MYH7: variants seen among roughly 807,000 people sequenced by gnomAD.
MYH7 encodes the protein myosin heavy chain 7, also known as myosin-7.
A neutral mutation model predicts 225.4 loss-of-function variants in MYH7; 129 were observed. The ratio of observed to expected loss-of-function variants is 0.57; its 90% confidence interval spans 0.50 to 0.66. MYH7 has a LOEUF of 0.66. Among genes scored for constraint, MYH7 ranks in the 30% least tolerant of loss-of-function variants. The probability of loss-of-function intolerance (pLI) is 0.00; values close to 1 mark genes in which losing one functional copy is unlikely to be tolerated. For synonymous variants in MYH7, 971 were observed against 1,007.6 expected (o/e 0.96, Z 0.69); for missense variants, 1,649 against 2,517.0 (o/e 0.66, Z 7.38).
intron 17 of MYH7, 22 bp downstream of exon 17, chr14:23,427,218 G>T: frequency 6.2e-7 from 1 of 1,612,746 alleles, no homozygotes; most frequent in South Asian, 1.1e-5. Flanking sequence ...AGCCAAGTTG[G>T]CTGGGGCTGT....
At position 23,421,055 on chromosome 14, in the gene MYH7, G is replaced by A. The variant is rs2049416463; in HGVS notation, c.3246-7C>T. The A allele has an allele frequency of 6.2e-7, 1 of 1,612,392 alleles. No homozygotes were observed. The highest frequency in any genetic ancestry group is 1.1e-5 in the South Asian group (1 of 91,004). On this transcript the variant is annotated splice_polypyrimidine_tract_variant and splice_region_variant and intron_variant, in intron 25 of 39. Coordinates refer to ENST00000355349, the MANE Select transcript of MYH7 (RefSeq NM_000257.4). ...ATTCAGCTCAAAGTCTTTTCTGTGG[G>A]GAAGGAGGGATGGTGAGGTAAGGGA... is the stretch of plus-strand genomic sequence containing the variant.
At chr14:23,424,420 T>G (rs1892611208) in intron 22 of MYH7, among the ~76,000 whole-genome samples, 1 of 152,238 alleles carries the variant, frequency 6.6e-6, no homozygotes, top group South Asian at 2.1e-4. Context: ...TTGCATTTGC[T>G]GATGCCAAGC....
Position 23,419,547 on chromosome 14 carries a change from C to A in MYH7, c.3789G>T (p.Ala1263=), listed in dbSNP as rs137918672. ...CGTTGACAGAACGCTGGGTCTCCTC[C>A]GCCTTGCTCCGGTGCTCATTCATCT... ...EDQMNEHRSK[A]EETQRSVNDL... is the part of the protein sequence containing the mutation. The change falls in exon 28 of 40, where the codon GCG becomes GCT. Residue 1263 remains alanine (A), a synonymous_variant. Transcript: ENST00000355349. The A allele has an allele frequency of 5.9e-5, 96 of 1,614,078 alleles. No individual in the cohort carries two copies. Among genetic ancestry groups the A allele is most frequent in the Non-Finnish European group, 7.5e-5 (89 of 1,180,026 alleles).
intron 15 of MYH7, among the ~76,000 whole-genome samples, 175 bp from the exon 16 acceptor site, chr14:23,428,069 C>A (rs1892767285): frequency 6.6e-6 from 1 of 152,150 alleles, no homozygotes; most frequent in Non-Finnish European, 1.5e-5. Context: ...AGGATTTTGT[C>A]TGATGACAGA....
At chr14:23,416,645 GCT>G (rs1288091097) in intron 33 of MYH7, among the ~76,000 whole-genome samples, 3 of 152,178 alleles carry the variant, frequency 2.0e-5, no homozygotes, top group Non-Finnish European at 4.4e-5. Context: ...GAAATGGGAA[GCT>G]CAGCTAAGAT....
intron 37 of MYH7, among the ~76,000 whole-genome samples, 190 bp from the exon 38 acceptor site, chr14:23,414,292 G>C (rs555117652): frequency 2.7e-4 from 41 of 152,294 alleles, no homozygotes; most frequent in African/African-American, 9.6e-4. Flanking sequence ...TACCAGGAAA[G>C]AGTCCAAAGA....
chr14:23,428,942 G>C lies in MYH7; in HGVS notation c.1407+13C>G. Reference sequence around the variant, plus strand: ...GAGTGATTGTTCTCCCACTCCCAGGGGTCCCAACTCACATCGAAGATCTCG... The same window carrying C: ...GAGTGATTGTTCTCCCACTCCCAGGCGTCCCAACTCACATCGAAGATCTCG... On this transcript the variant is annotated intron_variant, in intron 14 of 39. Coordinates refer to ENST00000355349, the MANE Select transcript of MYH7 (RefSeq NM_000257.4). The C allele has an allele frequency of 6.2e-7, 1 of 1,614,184 alleles. No individual in the cohort carries two copies. Among genetic ancestry groups the C allele is most frequent in the South Asian group, 1.1e-5 (1 of 91,078 alleles).
At chr14:23,413,342 G>A (rs1263729897) in intron 39 of MYH7, among the ~76,000 whole-genome samples, 1 of 152,166 alleles carries the variant, frequency 6.6e-6, no homozygotes, top group Non-Finnish European at 1.5e-5. Flanking sequence ...ACTTTGGGAG[G>A]CTGAGGCGAG....
chr14:23,415,281 G>A lies in MYH7; in HGVS notation c.5284-11C>T. The A allele has an allele frequency of 6.2e-7, 1 of 1,614,242 alleles. No homozygotes were observed. The highest frequency in any genetic ancestry group is 8.5e-7 in the Non-Finnish European group (1 of 1,180,050). On this transcript the variant is annotated splice_polypyrimidine_tract_variant and intron_variant, in intron 36 of 39. Coordinates refer to ENST00000355349, the MANE Select transcript of MYH7 (RefSeq NM_000257.4). This position sits in a 1 kb window ranked among gnomAD's most constrained non-coding sequence, Gnocchi z 6.3. ...TGCCATCATGGCGGCCTGTGTGCAG[G>A]AGAGAGGTGGCACATGGTCTGGTCA... is the stretch of plus-strand genomic sequence containing the variant.
intron 14 of MYH7, 84 bp downstream of exon 14, chr14:23,428,871 T>C: frequency 3.1e-6 from 5 of 1,605,658 alleles, no homozygotes; most frequent in Non-Finnish European, 4.3e-6. Context: ...CCATGTCTGG[T>C]CCACAGCTGG....
chr14:23,433,696 C>T lies in MYH7; in HGVS notation c.37G>A (p.Ala13Thr), dbSNP rs759231966. ...DSEMAVFGAA[A>T]PYLRKSEKER... ...TTCTCTGACTTGCGCAGGTAGGGGGCGGCAGCCCCAAAGACTGCCATCTCC... is the reference window on the plus strand; with the variant it reads ...TTCTCTGACTTGCGCAGGTAGGGGGTGGCAGCCCCAAAGACTGCCATCTCC... Residue 13 changes from alanine (A) to threonine (T), a missense_variant, in exon 3 of 40, where the codon GCC becomes ACC. Physicochemically the swap from Ala to Thr is moderately conservative, Grantham distance 58. Around this residue, in one of 12 missense-constraint regions of MYH7, gnomAD observed 91 missense variants for 96.5 expected, o/e 0.94. Transcript: ENST00000355349. The surrounding 1 kb of genome is among the most constrained non-coding windows in gnomAD (Gnocchi z 4.1). 12 of 1,614,102 alleles carry T rather than the reference C, an allele frequency of 7.4e-6. No homozygotes were observed. Among genetic ancestry groups the T allele is most frequent in the African/African-American group, 1.3e-5 (1 of 74,952 alleles).
chr14:23,416,761 C>T, intron 33 of MYH7, 107 bp downstream of exon 33: 13 of 1,575,398 alleles, frequency 8.3e-6, no homozygotes, highest in Non-Finnish European at 1.1e-5. Flanking sequence ...CTGTCCTAGG[C>T]TCTGGGGATG....
rs730880830 is a variant in MYH7 at position 23,433,218 on chromosome 14, C to T, written c.211G>A (p.Val71Met). ...AETEYGKTVT[V>M]KEDQVMQQNP... The stretch of plus-strand genomic sequence containing the variant: ...TGCTGCATCACCTGGTCCTCCTTCA[C>T]GGTCACTGTCTGCAAGAGCCCCCAC... Residue 71 changes from valine (V) to methionine (M), a missense_variant, in exon 4 of 40, where the codon GTG (valine) becomes ATG (methionine). Around this residue, in one of 12 missense-constraint regions of MYH7, gnomAD observed 91 missense variants for 96.5 expected, o/e 0.94. Coordinates refer to ENST00000355349, the MANE Select transcript of MYH7 (RefSeq NM_000257.4). The surrounding 1 kb of genome is among the most constrained non-coding windows in gnomAD (Gnocchi z 4.1). 96 of 1,614,148 alleles carry T rather than the reference C, an allele frequency of 5.9e-5. No homozygotes were observed. Among genetic ancestry groups the T allele is most frequent in the Admixed American group, 1.3e-4 (8 of 60,010 alleles).
At chr14:23,432,017 C>A in intron 6 of MYH7, 148 bp from the exon 7 acceptor site, 1 of 818,482 alleles carries the variant, frequency 1.2e-6, no homozygotes, top group Non-Finnish European at 2.0e-6. Context: ...CCACAACTGT[C>A]TTCTGATGCA....
intron 15 of MYH7, 106 bp downstream of exon 15, chr14:23,428,394 C>T (rs1892782077): frequency 1.3e-6 from 2 of 1,567,626 alleles, no homozygotes; most frequent in African/African-American, 1.4e-5. Context: ...ATCCTTCAGC[C>T]CCTTCTATTT....
chr14:23,416,336 A>T (rs757702936), intron 33 of MYH7, 24 bp from the exon 34 acceptor site: 1 of 1,609,074 alleles, frequency 6.2e-7, no homozygotes, highest in Non-Finnish European at 8.5e-7. Context: ...GGGGGAGGGG[A>T]TGCAGGCAGA....
intron 16 of MYH7, 80 bp from the exon 17 acceptor site, chr14:23,427,387 A>G (rs1892734993): frequency 6.4e-7 from 1 of 1,566,050 alleles, no homozygotes; most frequent in Non-Finnish European, 8.8e-7. Context: ...CCCTCTTTAC[A>G]TCCTTGCTGG....
In MYH7 at chr14:23,417,181, G is replaced by A. The variant is rs776439452; in HGVS notation, c.4491C>T (p.Thr1497=). The change falls in exon 32 of 40, where the codon ACC becomes ACT. Residue 1497 remains threonine, a synonymous_variant. Transcript: ENST00000355349. ...GCAGGTTTTTGTTCTCCCGCTTGAA[G>A]GTCTCCAGATGTTCCAGGGACTCCT... ...AYEESLEHLE[T]FKRENKNLQE... The A allele has an allele frequency of 2.5e-6, 4 of 1,614,166 alleles. No homozygotes were observed. Among genetic ancestry groups the A allele is most frequent in the African/African-American group, 2.7e-5 (2 of 75,046 alleles).
At chr14:23,432,418 T>A in intron 6 of MYH7, 61 bp downstream of exon 6, 1 of 1,605,372 alleles carries the variant, frequency 6.2e-7, no homozygotes, top group Non-Finnish European at 8.5e-7. Context: ...GGACACCTGA[T>A]GGGGCTGGAG....
Sources: allele counts gnomAD v4.1 joint callset (sites outside exome capture counted in the v4.1 genomes callset), GRCh38; gene constraint gnomAD v4.1.1; regional missense constraint gnomAD v4.1.1; non-coding constraint Gnocchi (gnomAD v3.1); transcripts MANE v1.5; gene names NCBI Gene and HGNC (gene_info 2026-07-23, HGNC 2026-07-21).